Variants in CRPPA observed in about 807,000 individuals in gnomAD.
CRPPA encodes the protein CDP-L-ribitol pyrophosphorylase A, also known as D-ribitol-5-phosphate cytidylyltransferase.
In CRPPA, 43 loss-of-function variants were observed where a neutral mutation model predicts 52.0. That is an observed-to-expected ratio of 0.83 (90% CI 0.65 to 1.07). CRPPA has a LOEUF of 1.07. Ranked by LOEUF, CRPPA falls within the 50% of genes least tolerant of loss-of-function variation. CRPPA has a pLI of 0.00. For missense variants in CRPPA, 629 were observed against 551.7 expected, an observed-to-expected ratio of 1.14 and a Z score of -1.40; for synonymous variants, 250 against 203.5, an observed-to-expected ratio of 1.23 and a Z score of -1.94.
intron 5 of CRPPA, among the ~76,000 whole-genome samples, chr7:16,300,929 A>T (rs1041384233): frequency 6.6e-6 from 1 of 152,222 alleles, no homozygotes; most frequent in East Asian, 1.9e-4. Flanking sequence ...CACACATATG[A>T]TATCTACAAT....
chr7:16,138,223 T>A (rs2128374775), intron 9 of CRPPA, among the ~76,000 whole-genome samples: 1 of 152,322 alleles, frequency 6.6e-6, no homozygotes, highest in South Asian at 2.1e-4. Flanking sequence ...TGCTGTTTAC[T>A]TACCACCTAC....
intron 3 of CRPPA, among the ~76,000 whole-genome samples, chr7:16,361,721 A>G: frequency 6.6e-6 from 1 of 152,222 alleles, no homozygotes; most frequent in East Asian, 1.9e-4. Context: ...AATAAGCACA[A>G]AGTGAAAGTT....
intron 9 of CRPPA, among the ~76,000 whole-genome samples, chr7:16,134,733 G>A (rs1782734320): frequency 6.6e-6 from 1 of 151,928 alleles, no homozygotes; most frequent in African/African-American, 2.4e-5. Flanking sequence ...TAAAAATATG[G>A]GCAACCCTGA....
chr7:16,222,453 A>G (rs1290148921), intron 8 of CRPPA, among the ~76,000 whole-genome samples: 1 of 151,996 alleles, frequency 6.6e-6, no homozygotes, highest in Non-Finnish European at 1.5e-5. Flanking sequence ...ATTAAAAAAA[A>G]AAAAGAAAAA....
intron 8 of CRPPA, among the ~76,000 whole-genome samples, chr7:16,241,349 CT>C (rs1783102089): frequency 6.6e-6 from 1 of 152,064 alleles, no homozygotes; most frequent in African/African-American, 2.4e-5. Flanking sequence ...AAAATTCCCC[CT>C]GGTAATTTAT....
At chr7:16,380,859 T>C (rs1450562078) in intron 2 of CRPPA, among the ~76,000 whole-genome samples, 2 of 152,104 alleles carry the variant, frequency 1.3e-5, no homozygotes, top group South Asian at 2.1e-4. Context: ...TTTTTCATTG[T>C]GTCTATTTGA....
intron 9 of CRPPA, among the ~76,000 whole-genome samples, chr7:16,198,996 T>C (rs1240804121): frequency 1.3e-5 from 2 of 152,122 alleles, no homozygotes; most frequent in Non-Finnish European, 2.9e-5. Flanking sequence ...GTAAACAGAA[T>C]CTTAACTTCT....
chr7:16,118,857 A>G (rs1782429140), intron 9 of CRPPA, among the ~76,000 whole-genome samples: 1 of 152,118 alleles, frequency 6.6e-6, no homozygotes, highest in Non-Finnish European at 1.5e-5. Context: ...ATTCTAACCT[A>G]AAGACCTCCT....
chr7:16,114,248 T>C (rs1459080209), intron 9 of CRPPA, among the ~76,000 whole-genome samples: 2 of 151,604 alleles, frequency 1.3e-5, no homozygotes, highest in East Asian at 3.9e-4. Context: ...CTCTGAATAC[T>C]TTCTCCAAAA....
At chr7:16,321,998 C>T (rs1785275907) in intron 3 of CRPPA, among the ~76,000 whole-genome samples, 1 of 152,100 alleles carries the variant, frequency 6.6e-6, no homozygotes, top group Admixed American at 6.6e-5. Context: ...GAGACAAGAA[C>T]ATTCTACTCT....
intron 4 of CRPPA, among the ~76,000 whole-genome samples, chr7:16,305,622 C>G (rs1784890851): frequency 6.6e-6 from 1 of 152,126 alleles, no homozygotes; most frequent in South Asian, 2.1e-4. Flanking sequence ...AATCCCAGCA[C>G]TTTGGGAGGC....
intron 1 of CRPPA, among the ~76,000 whole-genome samples, chr7:16,409,513 G>A (rs1054761746): frequency 6.6e-6 from 1 of 152,178 alleles, no homozygotes; most frequent in African/African-American, 2.4e-5. Flanking sequence ...ATGGTCGCCT[G>A]GGTACCAGGT....
At chr7:16,283,636 G>T (rs560379473) in intron 5 of CRPPA, among the ~76,000 whole-genome samples, 161 of 151,550 alleles carry the variant, frequency 1.1e-3, no homozygotes, top group African/African-American at 3.5e-3. Context: ...AATTTTGGGG[G>T]TAATTTTCCA....
intron 1 of CRPPA, among the ~76,000 whole-genome samples, chr7:16,415,353 C>T (rs1399034526): frequency 6.6e-6 from 1 of 152,190 alleles, no homozygotes; most frequent in Non-Finnish European, 1.5e-5. Context: ...CTATCTCAGG[C>T]ACTAAGGATC....
At chr7:16,343,862 G>A (rs1785935208) in intron 3 of CRPPA, among the ~76,000 whole-genome samples, 1 of 152,154 alleles carries the variant, frequency 6.6e-6, no homozygotes, top group South Asian at 2.1e-4. Context: ...CTAAAGAAGA[G>A]TTATCAATAG....
chr7:16,255,113 G>A (rs994388994), intron 8 of CRPPA, among the ~76,000 whole-genome samples: 10 of 152,104 alleles, frequency 6.6e-5, no homozygotes, highest in Admixed American at 3.9e-4. Flanking sequence ...CAAAATCAAC[G>A]TGCAAAAATC....
intron 6 of CRPPA, chr7:16,270,337 A>G (rs931898024): frequency 6.6e-6 from 1 of 152,164 alleles, no homozygotes; most frequent in African/African-American, 2.4e-5. Context: ...AATATAAATA[A>G]TTAAAAAGAT....
intron 2 of CRPPA, among the ~76,000 whole-genome samples, chr7:16,404,459 G>T (rs951296296): frequency 1.3e-5 from 2 of 151,986 alleles, no homozygotes; most frequent in Non-Finnish European, 2.9e-5. Context: ...CAAGATAAAA[G>T]ACTTCTTTTG....
intron 9 of CRPPA, among the ~76,000 whole-genome samples, chr7:16,111,071 G>A (rs1782253833): frequency 6.6e-6 from 1 of 151,428 alleles, no homozygotes; most frequent in Non-Finnish European, 1.5e-5. Flanking sequence ...CATTTCAATG[G>A]CAAGAAAACA....
Sources: allele counts gnomAD v4.1 joint callset (sites outside exome capture counted in the v4.1 genomes callset), GRCh38; gene constraint gnomAD v4.1.1; transcripts MANE v1.5; gene names NCBI Gene and HGNC (gene_info 2026-07-23, HGNC 2026-07-21).